The following PDGFRL variants were observed in gnomAD, a reference collection of about 807,000 sequenced individuals.
The protein encoded by PDGFRL is platelet derived growth factor receptor like.
A neutral mutation model predicts 37.2 loss-of-function variants in PDGFRL; 46 were observed. That is an observed-to-expected ratio of 1.24 (90% CI 0.98 to 1.58). PDGFRL has a LOEUF of 1.58. Among genes scored for constraint, PDGFRL ranks in the 40% most tolerant of loss-of-function variants. The probability of loss-of-function intolerance (pLI) is 0.00; values close to 1 mark genes in which losing one functional copy is unlikely to be tolerated. For synonymous variants in PDGFRL, 251 were observed against 184.3 expected (o/e 1.36, Z -2.93); for missense variants, 692 against 467.6 (o/e 1.48, Z -4.43).
At chr8:17,624,026 A>T (rs1437978318) in intron 3 of PDGFRL, among the ~76,000 whole-genome samples, 1 of 152,116 alleles carries the variant, frequency 6.6e-6, no homozygotes, top group Non-Finnish European at 1.5e-5. Flanking sequence ...ATGCTGTAAC[A>T]CATTTGACCT....
intron 2 of PDGFRL, among the ~76,000 whole-genome samples, chr8:17,612,085 A>C (rs898877351): frequency 6.6e-6 from 1 of 152,188 alleles, no homozygotes; most frequent in Non-Finnish European, 1.5e-5. Flanking sequence ...ATGATGTGTT[A>C]TACTCCAGTT....
At chr8:17,640,199 TTTAA>T (rs67784842) in intron 5 of PDGFRL, among the ~76,000 whole-genome samples, 18,427 of 152,174 alleles carry the variant, frequency 0.12, 1,283 homozygotes, top group Non-Finnish European at 0.17. Context: ...TCTTTTTTGA[TTTAA>T]TTAAGTTGGA....
intron 1 of PDGFRL, among the ~76,000 whole-genome samples, chr8:17,585,444 C>G (rs1326706308): frequency 2.0e-5 from 3 of 152,088 alleles, no homozygotes; most frequent in Admixed American, 1.3e-4. Flanking sequence ...GAAGGGCTTG[C>G]TACATCTTGC....
At chr8:17,591,693 A>G (rs921637393) in intron 2 of PDGFRL, among the ~76,000 whole-genome samples, 1 of 152,176 alleles carries the variant, frequency 6.6e-6, no homozygotes, top group Non-Finnish European at 1.5e-5. Flanking sequence ...AGGCGGGCGG[A>G]TCGTCATGAG....
At chr8:17,610,194 C>A (rs141669783) in intron 2 of PDGFRL, among the ~76,000 whole-genome samples, 120 of 152,232 alleles carry the variant, frequency 7.9e-4, no homozygotes, top group Middle Eastern at 3.4e-3. Flanking sequence ...CCGATTCTTC[C>A]CAAGTATGTG....
chr8:17,628,680 T>A lies in PDGFRL; in HGVS notation c.699T>A (p.Tyr233Ter). 4 of 1,613,952 alleles carry A rather than the reference T, an allele frequency of 2.5e-6. No individual in the cohort carries two copies. Among genetic ancestry groups the A allele is most frequent in the Non-Finnish European group, 3.4e-6 (4 of 1,179,822 alleles). The change falls in exon 4 of 6, where the codon TAT becomes TAA. Residue 233 changes from tyrosine (Y) to a stop codon, truncating the protein, a stop_gained. Transcript: ENST00000251630. LOFTEE classifies it high-confidence loss of function. ...IVYDMKRGFV[Y>*]LQPHSEHQGV... ...ATGACATGAAGCGGGGCTTTGTGTA[T>A]CTGCAACCTCATTCCGAGCACCAGG...
intron 2 of PDGFRL, among the ~76,000 whole-genome samples, chr8:17,590,942 G>C (rs1449951377): frequency 6.7e-6 from 1 of 148,952 alleles, no homozygotes; most frequent in Admixed American, 6.7e-5. Context: ...GAGTGCAGTG[G>C]TGCCATCTTG....
At position 17,642,624 on chromosome 8, in the gene PDGFRL, T is replaced by G; in HGVS notation, c.951T>G (p.Pro317=). The change falls in exon 6 of 6, where the codon CCT becomes CCG. Residue 317 remains proline (P), a synonymous_variant. Transcript: ENST00000251630. The part of the protein sequence containing the change: ...WIFPGQKDER[P]VTIQDTWRLI... ...GTGTCGTTAAACAGGATGAAAGGCC[T>G]GTGACGATCCAAGACACTTGGAGGT... The G allele has an allele frequency of 6.2e-7, 1 of 1,607,188 alleles. No homozygotes were observed. Among genetic ancestry groups the G allele is most frequent in the Non-Finnish European group, 8.5e-7 (1 of 1,173,690 alleles).
intron 2 of PDGFRL, among the ~76,000 whole-genome samples, chr8:17,600,635 TAA>T (rs113265127): frequency 0.22 from 32,987 of 148,638 alleles, 4,203 homozygotes; most frequent in African/African-American, 0.34. Context: ...CCCCCATCTC[TAA>T]AAAAAAAATT....
In PDGFRL at chr8:17,628,903, GGTT is replaced by G. The variant is rs910182583; in HGVS notation, c.799+133_799+135del. On this transcript the variant is annotated intron_variant, in intron 4 of 5. Coordinates refer to ENST00000251630, the MANE Select transcript of PDGFRL (RefSeq NM_001372073.1). Reference sequence around the variant, plus strand: ...AGTGCCTTTTGTTTCATTGTTGTTGGGTTGTTGTTGTTTTTTTTTCTCTTTTTT... The same window carrying G: ...AGTGCCTTTTGTTTCATTGTTGTTGGGTTGTTGTTTTTTTTTCTCTTTTTT... 259 of 657,950 alleles carry G rather than the reference GGTT, an allele frequency of 3.9e-4. 2 individuals are homozygous for G. In the Admixed American group the frequency reaches 6.4e-3, roughly 16 times the overall value. 40.8% of individuals were successfully genotyped at this position (657,950 alleles called of 1,614,324 possible). A position where few individuals can be genotyped will look rare whatever the true frequency, so the allele number is the denominator to read the frequency against.
chr8:17,607,243 C>T (rs569112826), intron 2 of PDGFRL, among the ~76,000 whole-genome samples: 1 of 152,192 alleles, frequency 6.6e-6, no homozygotes, highest in East Asian at 1.9e-4. Context: ...CTCACTGATG[C>T]TCATACTAAT....
At chr8:17,620,755 C>T (rs1008598909) in intron 2 of PDGFRL, among the ~76,000 whole-genome samples, 5 of 151,960 alleles carry the variant, frequency 3.3e-5, no homozygotes, top group African/African-American at 7.3e-5. Context: ...CATTGTATTA[C>T]GCTGAAAAGC....
rs368826915 is a variant in PDGFRL, at chr8:17,643,033, C to T, written c.*232C>T. 1.8e-5 allele frequency: 8 copies of T among 437,276 alleles called. No individual in the cohort carries two copies. The highest frequency in any genetic ancestry group is 5.5e-4 in the Middle Eastern group (1 of 1,810). The allele number at this position is 437,276 out of a possible 1,614,324, so 27.1% of individuals were successfully genotyped here. On this transcript the variant is annotated 3_prime_UTR_variant, in exon 6 of 6. Coordinates refer to ENST00000251630, the MANE Select transcript of PDGFRL (RefSeq NM_001372073.1). ...ATGATTTTGATTGCTTACCTACATA[C>T]GTGTTCCTAGTTTTTATACATGTGT... is the stretch of plus-strand genomic sequence containing the variant.
At chr8:17,619,129 A>G (rs1314779926) in intron 2 of PDGFRL, among the ~76,000 whole-genome samples, 5 of 152,202 alleles carry the variant, frequency 3.3e-5, no homozygotes, top group African/African-American at 1.2e-4. Flanking sequence ...CTGCTGCAAG[A>G]TAAACTGCAG....
In PDGFRL at chr8:17,638,415, T is replaced by A. The variant is rs375414196; in HGVS notation, c.940-4198T>A. Among the ~76,000 whole-genome samples, 4 of 152,116 alleles carry A rather than the reference T, an allele frequency of 2.6e-5. No individual in the cohort carries two copies. In the East Asian group the frequency reaches 7.7e-4, roughly 29 times the overall value. On this transcript the variant is annotated intron_variant, in intron 5 of 5. Coordinates refer to ENST00000251630, the MANE Select transcript of PDGFRL (RefSeq NM_001372073.1). Reference sequence around the variant, plus strand: ...CACCGTGGTCTGAGAGAGTACTTGATATAATTTCAGTTTTCTTAAATTTAT... The same window carrying A: ...CACCGTGGTCTGAGAGAGTACTTGAAATAATTTCAGTTTTCTTAAATTTAT...
chr8:17,618,092 C>T (rs762632534), intron 2 of PDGFRL, among the ~76,000 whole-genome samples: 15 of 151,982 alleles, frequency 9.9e-5, no homozygotes, highest in Non-Finnish European at 1.9e-4. Context: ...GGGTTTTGCT[C>T]TGTCGCCTAG....
chr8:17,606,897 T>TTTTG (rs1804292412), intron 2 of PDGFRL, among the ~76,000 whole-genome samples: 38 of 8,442 alleles, frequency 4.5e-3, no homozygotes, highest in African/African-American at 8.7e-3. Context: ...TTTTTTTGTT[T>TTTTG]TTTTTTTTTT....
intron 2 of PDGFRL, among the ~76,000 whole-genome samples, chr8:17,608,540 G>A (rs2720481): frequency 0.019 from 2,920 of 152,288 alleles, 68 homozygotes; most frequent in African/African-American, 0.048. Flanking sequence ...TACAAGAGCC[G>A]GAGGGGTGAC....
At chr8:17,616,469 AG>A (rs35657196) in intron 2 of PDGFRL, among the ~76,000 whole-genome samples, 9,371 of 152,244 alleles carry the variant, frequency 0.062, 278 homozygotes, top group African/African-American at 0.077. Flanking sequence ...CTGGGATTAC[AG>A]GCATGAACCA....
Sources: gnomAD v4.1 joint callset for allele counts (sites outside exome capture counted in the v4.1 genomes callset) on GRCh38, gnomAD v4.1.1 for gene constraint, MANE v1.5 for transcripts, NCBI Gene and HGNC (gene_info 2026-07-23, HGNC 2026-07-21) for gene names.